TMEM87A: variants seen among roughly 807,000 people sequenced by gnomAD.
The protein encoded by TMEM87A is transmembrane protein 87A, also known as Golgi-pH regulating cation channel.
TMEM87A carries 50 observed loss-of-function variants against 90.0 expected under a neutral mutation model. The observed-to-expected ratio is 0.56, with a 90% CI of 0.44 to 0.70. The LOEUF (loss-of-function observed/expected upper bound fraction) is 0.70. TMEM87A is among the 30% of genes least tolerant of loss of function. TMEM87A has a pLI of 0.00. For synonymous variants in TMEM87A, 226 were observed against 226.7 expected (o/e 1.00, Z 0.03); for missense variants, 577 against 660.5 (o/e 0.87, Z 1.39).
At chr15:42,217,207 G>C (rs1275114508) in intron 19 of TMEM87A, among the ~76,000 whole-genome samples, 1 of 151,976 alleles carries the variant, frequency 6.6e-6, no homozygotes, top group Non-Finnish European at 1.5e-5. Context: ...TCCTGCCTAG[G>C]CCTCCCAAAG....
rs1452396302 is a variant in TMEM87A at position 42,251,851 on chromosome 15, G to A, written c.505-7684C>T. On this transcript the variant is annotated intron_variant, in intron 6 of 19. Coordinates refer to ENST00000389834, the MANE Select transcript of TMEM87A (RefSeq NM_015497.5). ...TTTGTTCAGCTATGCCCTGCCCCCA[G>A]AGGTGGAGTCTACAGAGGCAGGCAG... Among the ~76,000 whole-genome samples, 3 of 152,356 alleles carry A rather than the reference G, an allele frequency of 2.0e-5. No homozygotes were observed. In the East Asian group the frequency reaches 5.8e-4, roughly 29 times the overall value.
At chr15:42,250,000 A>G (rs1278978828) in intron 6 of TMEM87A, among the ~76,000 whole-genome samples, 1 of 152,178 alleles carries the variant, frequency 6.6e-6, no homozygotes, top group Non-Finnish European at 1.5e-5. Context: ...TTCTTGTTGA[A>G]TTGACCCCTT....
chr15:42,210,814 T>G lies in TMEM87A; in HGVS notation c.*894A>C, dbSNP rs1056122735. The stretch of plus-strand genomic sequence containing the variant: ...CTGTTTCCTTTGTATAAGCTACAAC[T>G]TCTGAAGCATTACAGTTCCTCTAGC... On this transcript the variant is annotated 3_prime_UTR_variant, in exon 20 of 20. Coordinates refer to ENST00000389834, the MANE Select transcript of TMEM87A (RefSeq NM_015497.5). 1.3e-5 allele frequency: 2 copies of G among 152,656 alleles called. No homozygotes were observed. The highest frequency in any genetic ancestry group is 2.9e-5 in the Non-Finnish European group (2 of 68,046). The allele number at this position is 152,656 out of a possible 1,614,324, so 9.5% of individuals were successfully genotyped here.
rs141728199 is a variant in TMEM87A at position 42,257,558 on chromosome 15, G to T, written c.504+3400C>A. ...GTCCTTTCATAGCAACATAAACAAA[G>T]ACACTCACTCTCACTTTCTTGGGGC... On this transcript the variant is annotated intron_variant, in intron 6 of 19. Coordinates refer to ENST00000389834, the MANE Select transcript of TMEM87A (RefSeq NM_015497.5). Among the ~76,000 whole-genome samples the T allele has an allele frequency of 5.3e-5, 8 of 152,238 alleles. No homozygotes were observed. In the East Asian group the frequency reaches 7.7e-4, roughly 15 times the overall value.
intron 6 of TMEM87A, among the ~76,000 whole-genome samples, chr15:42,251,288 C>T (rs148935146): frequency 2.2e-3 from 340 of 152,282 alleles, no homozygotes; most frequent in African/African-American, 7.5e-3. Flanking sequence ...CCGTTGCTCG[C>T]GGGGAGCTGC....
chr15:42,227,593 A>G, intron 14 of TMEM87A, 118 bp downstream of exon 14: 1 of 808,564 alleles, frequency 1.2e-6, no homozygotes, highest in South Asian at 1.6e-5. Flanking sequence ...CCCTCAGAGT[A>G]GAGACCTAGC....
chr15:42,230,202 T>C (rs1404334458), intron 12 of TMEM87A, among the ~76,000 whole-genome samples: 1 of 152,214 alleles, frequency 6.6e-6, no homozygotes, highest in African/African-American at 2.4e-5. Flanking sequence ...CCGTAGCTGT[T>C]ACCTAGTCAT....
chr15:42,243,226 C>T (rs991296380), intron 7 of TMEM87A, among the ~76,000 whole-genome samples: 2 of 151,406 alleles, frequency 1.3e-5, no homozygotes, highest in Non-Finnish European at 2.9e-5. Context: ...CGAGATTACG[C>T]CACTGCACTC....
At chr15:42,242,322 T>C (rs907996409) in intron 7 of TMEM87A, among the ~76,000 whole-genome samples, 1 of 151,994 alleles carries the variant, frequency 6.6e-6, no homozygotes, top group African/African-American at 2.4e-5. Context: ...CTAGTAGGTT[T>C]CAAAGAAAAA....
At chr15:42,250,158 G>C (rs1018629053) in intron 6 of TMEM87A, among the ~76,000 whole-genome samples, 6 of 152,100 alleles carry the variant, frequency 3.9e-5, no homozygotes, top group Admixed American at 3.9e-4. Flanking sequence ...ACCTATGTTT[G>C]TCTCTGCACA....
At chr15:42,213,135 C>T (rs1299263602) in intron 19 of TMEM87A, among the ~76,000 whole-genome samples, 1 of 152,190 alleles carries the variant, frequency 6.6e-6, no homozygotes, top group African/African-American at 2.4e-5. Context: ...CACAGTACCA[C>T]ATGATAGAGA....
At chr15:42,262,323 C>A (rs112241663) in intron 4 of TMEM87A, 6 of 152,214 alleles carry the variant, frequency 3.9e-5, no homozygotes, top group Non-Finnish European at 7.3e-5. Flanking sequence ...CTCTACCATT[C>A]TTTCACCATC....
chr15:42,222,478 G>A (rs1182957898), intron 15 of TMEM87A, among the ~76,000 whole-genome samples: 1 of 152,148 alleles, frequency 6.6e-6, no homozygotes, highest in African/African-American at 2.4e-5. Flanking sequence ...TTCAGACAGT[G>A]TGCTACTGAT....
rs1566945854 is a variant in TMEM87A, at chr15:42,273,256, G to A, written c.143C>T (p.Ser48Leu). Reference protein sequence around the residue: ...DRSKWHIPIPSGKNYFSFGKI... With the variant: ...DRSKWHIPIPLGKNYFSFGKI... Reference sequence around the variant, plus strand: ...GACGTTAGTGAAGTGAATACTCACCGACGGTATCGGAATGTGCCATTTGGA... The same window carrying A: ...GACGTTAGTGAAGTGAATACTCACCAACGGTATCGGAATGTGCCATTTGGA... Residue 48 changes from serine (S) to leucine (L), a missense_variant and splice_region_variant, in exon 1 of 20, where the codon TCG becomes TTG. Ser to Leu is a moderately radical substitution (Grantham distance 145). Transcript: ENST00000389834. 1.2e-6 allele frequency: 2 copies of A among 1,614,060 alleles called. No homozygotes were observed. The highest frequency in any genetic ancestry group is 2.2e-5 in the East Asian group (1 of 44,880).
chr15:42,228,562 C>T (rs1678987), intron 13 of TMEM87A, 150 bp downstream of exon 13: 617,002 of 635,984 alleles, frequency 0.97, 300,303 homozygotes, highest in Non-Finnish European at 1. Flanking sequence ...TTAAAAACCA[C>T]AGATCCTTCT....
chr15:42,271,126 A>T (rs1490689242), intron 2 of TMEM87A, among the ~76,000 whole-genome samples: 1 of 152,250 alleles, frequency 6.6e-6, no homozygotes, highest in Non-Finnish European at 1.5e-5. Flanking sequence ...CAGAACTAAA[A>T]GGAAGCTTTT....
chr15:42,233,830 G>A (rs1263602498), intron 10 of TMEM87A, among the ~76,000 whole-genome samples: 1 of 151,992 alleles, frequency 6.6e-6, no homozygotes, highest in East Asian at 1.9e-4. Flanking sequence ...ACGCTGAAGT[G>A]CAGTGGCCCA....
intron 15 of TMEM87A, among the ~76,000 whole-genome samples, chr15:42,222,995 G>C (rs1388150745): frequency 1.3e-5 from 2 of 152,164 alleles, no homozygotes; most frequent in Non-Finnish European, 2.9e-5. Flanking sequence ...CTGAGATTTT[G>C]TATGATTAAA....
At chr15:42,231,291 A>C in intron 11 of TMEM87A, 31 bp from the exon 12 acceptor site, 1 of 1,537,878 alleles carries the variant, frequency 6.5e-7, no homozygotes, top group Non-Finnish European at 8.7e-7. Flanking sequence ...GTGGTGAAAA[A>C]CAGATGTCTA....
Sources: gnomAD v4.1 joint callset for allele counts (sites outside exome capture counted in the v4.1 genomes callset) on GRCh38, gnomAD v4.1.1 for gene constraint, MANE v1.5 for transcripts, NCBI Gene and HGNC (gene_info 2026-07-23, HGNC 2026-07-21) for gene names.